NFIB: variants seen among roughly 807,000 people sequenced by gnomAD.
NFIB encodes the protein nuclear factor 1 B-type.
A neutral mutation model predicts 61.5 loss-of-function variants in NFIB; 11 were observed. The ratio of observed to expected loss-of-function variants is 0.18; its 90% CI spans 0.11 to 0.30. The LOEUF (loss-of-function observed/expected upper bound fraction) is 0.30, where lower values mean the gene tolerates loss of function less well. Among genes scored for constraint, NFIB ranks in the 10% least tolerant of loss-of-function variants. The pLI, the probability that NFIB is intolerant of heterozygous loss-of-function variation, is 1.00. For missense variants in NFIB, 471 were observed against 608.9 expected, an observed-to-expected ratio of 0.77 and a Z score of 2.38; for synonymous variants, 260 against 216.5, an observed-to-expected ratio of 1.20 and a Z score of -1.76.
At chr9:14,454,980 G>A in the NFIB span, among the ~76,000 whole-genome samples, 2 of 152,330 alleles carry the variant, frequency 1.3e-5, no homozygotes, top group Non-Finnish European at 1.5e-5. Context: ...TCAAAGCTGA[G>A]TGGGAATAGG....
At chr9:14,188,967 C>T (rs2047658546) in intron 2 of NFIB, among the ~76,000 whole-genome samples, 1 of 152,088 alleles carries the variant, frequency 6.6e-6, no homozygotes, top group Non-Finnish European at 1.5e-5. Flanking sequence ...TGCAGAATTT[C>T]AACATAAAAC....
chr9:14,280,701 G>A (rs2058315123), intron 2 of NFIB, among the ~76,000 whole-genome samples: 1 of 152,140 alleles, frequency 6.6e-6, no homozygotes, highest in South Asian at 2.1e-4. Context: ...CTCAGTGTGG[G>A]TGCATAGGAG....
rs1005057543 is a variant in NFIB, at chr9:14,313,367, T to A, written c.30+115A>T. On this transcript the variant is annotated intron_variant, in intron 1 of 10. Transcript: ENST00000380953. The surrounding 1 kb of genome is among the most constrained non-coding windows in gnomAD (Gnocchi z 4.5). ...GCCCGCTGCAACTCCGGGCCACTTC[T>A]CCAAGGGACGGGGATGTGCGGAGGT... 2.2e-5 allele frequency: 33 copies of A among 1,473,096 alleles called. No homozygotes were observed. The highest frequency in any genetic ancestry group is 2.9e-5 in the Non-Finnish European group (31 of 1,081,050). 91.3% of individuals were successfully genotyped at this position (1,473,096 alleles called of 1,614,324 possible). A position where few individuals can be genotyped will look rare whatever the true frequency, so the allele number is the denominator to read the frequency against.
the NFIB span, chr9:14,532,046 A>T: frequency 6.6e-6 from 1 of 152,608 alleles, no homozygotes; most frequent in African/African-American, 2.4e-5. Context: ...CCTTCATCAG[A>T]TGCAGCTCAA....
chr9:14,306,144 T>A, intron 2 of NFIB: 1 of 346,332 alleles, frequency 2.9e-6, no homozygotes, highest in East Asian at 4.6e-5. Context: ...TTCTCAGGTA[T>A]TTTAAATAAT....
At chr9:14,499,314 G>A in the NFIB span, among the ~76,000 whole-genome samples, 1 of 152,116 alleles carries the variant, frequency 6.6e-6, no homozygotes. Flanking sequence ...GCAGGAGAGA[G>A]GACCCAGCCC....
chr9:14,168,697 C>A (rs1389158601), intron 3 of NFIB, among the ~76,000 whole-genome samples: 1 of 152,158 alleles, frequency 6.6e-6, no homozygotes, highest in Non-Finnish European at 1.5e-5. Flanking sequence ...AATATCGCTA[C>A]AGAGATTAGG....
At chr9:14,316,193 C>T (rs1345594625), upstream of NFIB, among the ~76,000 whole-genome samples, 1 of 152,252 alleles carries the variant, frequency 6.6e-6, no homozygotes, top group Non-Finnish European at 1.5e-5. Flanking sequence ...TCAAGTCAAC[C>T]ATGAAATGGT....
rs144798489 is a variant in NFIB at position 14,196,095 on chromosome 9, C to T, written c.563-16315G>A. ...GAAGGATTTTTTTTTTCTATGTTCA[C>T]GCTGGTTGAACTTAATTTTCCGTTC... On this transcript the variant is annotated intron_variant, in intron 2 of 10. Coordinates refer to ENST00000380953, the MANE Select transcript of NFIB (RefSeq NM_001190737.2). Among the ~76,000 whole-genome samples, 1,140 of 151,814 alleles carry T rather than the reference C, an allele frequency of 7.5e-3. 11 individuals carry two copies. Among genetic ancestry groups the T allele is most frequent in the African/African-American group, 0.022 (928 of 41,392 alleles).
chr9:14,252,544 CAG>C (rs988313371), intron 2 of NFIB, among the ~76,000 whole-genome samples: 16 of 151,488 alleles, frequency 1.1e-4, no homozygotes, highest in African/African-American at 2.7e-4. Context: ...TTAAAAAAAA[CAG>C]AAACTGCTTC....
At chr9:14,197,387 T>C (rs1240347277) in intron 2 of NFIB, among the ~76,000 whole-genome samples, 2 of 152,076 alleles carry the variant, frequency 1.3e-5, no homozygotes, top group East Asian at 1.9e-4. Flanking sequence ...GTGATCTCTA[T>C]AGGGAAAGTT....
the NFIB span, among the ~76,000 whole-genome samples, chr9:14,464,006 G>T: frequency 1.3e-5 from 2 of 152,158 alleles, no homozygotes; most frequent in Non-Finnish European, 2.9e-5. Context: ...GTCTGAGGCT[G>T]CTTGTAACAT....
the NFIB span, among the ~76,000 whole-genome samples, chr9:14,526,289 G>A: frequency 6.6e-6 from 1 of 152,098 alleles, no homozygotes; most frequent in African/African-American, 2.4e-5. Flanking sequence ...TGTTATTAAA[G>A]CTGTTTATTA....
chr9:14,459,307 T>G, the NFIB span, among the ~76,000 whole-genome samples: 3 of 152,200 alleles, frequency 2.0e-5, no homozygotes, highest in Non-Finnish European at 4.4e-5. Flanking sequence ...GAAAACTGGC[T>G]AGCCATATGT....
At position 14,256,713 on chromosome 9, in the gene NFIB, C is replaced by T. The variant is rs192852646; in HGVS notation, c.562+50276G>A. ...TCACTGTGAGCTCATAAAACTGGACCCAAAGTGACAAGACCATTGGGTGAG... is the reference window on the plus strand; with the variant it reads ...TCACTGTGAGCTCATAAAACTGGACTCAAAGTGACAAGACCATTGGGTGAG... On this transcript the variant is annotated intron_variant, in intron 2 of 10. Transcript: ENST00000380953. Among the ~76,000 whole-genome samples the T allele has an allele frequency of 1.7e-3, 253 of 152,214 alleles. 1 individual carries two copies. The highest frequency in any genetic ancestry group is 5.9e-3 in the African/African-American group (245 of 41,522).
intron 7 of NFIB, among the ~76,000 whole-genome samples, chr9:14,125,241 T>A (rs781073254): frequency 1.6e-4 from 25 of 152,228 alleles, no homozygotes; most frequent in Non-Finnish European, 3.5e-4. Flanking sequence ...TACTGCAACC[T>A]TTGCCTCCCA....
intron 2 of NFIB, among the ~76,000 whole-genome samples, chr9:14,190,312 G>A (rs2131547584): frequency 6.6e-6 from 1 of 152,198 alleles, no homozygotes; most frequent in Non-Finnish European, 1.5e-5. Context: ...GCAATTAACT[G>A]GATAACAGAG....
intron 2 of NFIB, among the ~76,000 whole-genome samples, chr9:14,220,070 G>T (rs2051456364): frequency 6.6e-6 from 1 of 152,214 alleles, no homozygotes; most frequent in Non-Finnish European, 1.5e-5. Flanking sequence ...CTTTCTGCAT[G>T]TTGAGCCAAG....
the NFIB span, among the ~76,000 whole-genome samples, chr9:14,500,939 C>T: frequency 1.1e-4 from 17 of 152,138 alleles, no homozygotes; most frequent in Admixed American, 2.6e-4. Context: ...TCAAAAGAAG[C>T]GAGAAATTCA....
Sources: gnomAD v4.1 joint callset for allele counts (sites outside exome capture counted in the v4.1 genomes callset) on GRCh38, gnomAD v4.1.1 for gene constraint, Gnocchi (gnomAD v3.1) non-coding constraint, MANE v1.5 for transcripts, NCBI Gene and HGNC (gene_info 2026-07-23, HGNC 2026-07-21) for gene names.